PIN4: variants seen among roughly 807,000 people sequenced by gnomAD.
PIN4 encodes peptidylprolyl cis/trans isomerase, NIMA-interacting 4.
A neutral mutation model predicts 8.3 loss-of-function variants in PIN4; 3 were observed. The observed-to-expected ratio is 0.36, with a 90% CI of 0.16 to 0.93. The LOEUF (loss-of-function observed/expected upper bound fraction) is 0.93, where lower values mean the gene tolerates loss of function less well. Among genes scored for constraint, PIN4 ranks in the 40% least tolerant of loss-of-function variants. PIN4 has a pLI of 0.44. For synonymous variants in PIN4, 18 were observed against 32.5 expected (o/e 0.55, Z 1.52); for missense variants, 75 against 100.6 (o/e 0.75, Z 1.09).
At chrX:72,209,215 C>G (rs1039635208) in intron 3 of PIN4, among the ~76,000 whole-genome samples, 1 of 110,886 alleles carries the variant, frequency 9.0e-6, no homozygotes, top group Non-Finnish European at 1.9e-5. Flanking sequence ...GTCCTAGGAC[C>G]TCTTCTCACT....
At position 72,204,938 on chromosome X, in the gene PIN4, C is replaced by A. The variant is rs776454870; in HGVS notation, c.312+8034C>A. On this transcript the variant is annotated intron_variant, in intron 3 of 3. Coordinates refer to the PIN4 transcript ENST00000423432. ...CTTAAGCCTGAATGCTTCATGTTCC[C>A]AAAGAATCCAATTATGGGAACAAAA... 51 of 956,298 alleles carry A rather than the reference C, an allele frequency of 5.3e-5. No homozygotes were observed. In the African/African-American group the frequency reaches 8.1e-4, roughly 15 times the overall value. 78.8% of individuals were successfully genotyped at this position (956,298 alleles called of 1,213,427 possible).
At chrX:72,202,509 A>G (rs2042793826), downstream of PIN4, among the ~76,000 whole-genome samples, 1 of 112,177 alleles carries the variant, frequency 8.9e-6, no homozygotes, top group Non-Finnish European at 1.9e-5. Context: ...GAATTTTCAC[A>G]AACATTTTTG....
chrX:72,248,004 T>C (rs775496012), intron 3 of PIN4, among the ~76,000 whole-genome samples: 210 of 111,204 alleles, frequency 1.9e-3, no homozygotes, highest in Middle Eastern at 9.3e-3. Flanking sequence ...ATGTCTTCCA[T>C]CCTTTGTGAG....
At chrX:72,225,774 G>A (rs2042950246) in intron 3 of PIN4, among the ~76,000 whole-genome samples, 1 of 110,926 alleles carries the variant, frequency 9.0e-6, no homozygotes, top group Non-Finnish European at 1.9e-5. Flanking sequence ...CCCTGCTCTA[G>A]GCCTTCCAAA....
chrX:72,237,654 C>T (rs1020353487), intron 3 of PIN4, among the ~76,000 whole-genome samples: 3 of 105,828 alleles, frequency 2.8e-5, no homozygotes, highest in African/African-American at 1.0e-4. Context: ...GTCCCAGCTA[C>T]TCCGGAAACA....
chrX:72,255,216 G>A lies in PIN4; in HGVS notation c.313-7491G>A, dbSNP rs1392018164. On this transcript the variant is annotated intron_variant, in intron 3 of 3. Transcript: ENST00000423432. The stretch of plus-strand genomic sequence containing the variant: ...GCCCAGGAGGTCGAGGCTGCAGTGA[G>A]CCATGATCACGCCACTGAACTCCAG... 2.8e-5 allele frequency among the ~76,000 whole-genome samples: 3 copies of A among 107,966 alleles called. No homozygotes were observed. The East Asian group carries it at 8.9e-4, about 32-fold the overall frequency. The allele number at this position is 107,966 out of a possible 115,157, so 93.8% of individuals were successfully genotyped here.
intron 3 of PIN4, among the ~76,000 whole-genome samples, chrX:72,212,294 A>T (rs2042860595): frequency 9.0e-6 from 1 of 110,616 alleles, no homozygotes; most frequent in African/African-American, 3.3e-5. Flanking sequence ...TAATAATAAT[A>T]AAATCATCTC....
chrX:72,206,584 C>T (rs763537928), intron 3 of PIN4: 4 of 1,210,957 alleles, frequency 3.3e-6, no homozygotes, highest in Non-Finnish European at 4.5e-6. Flanking sequence ...TAGCCAGGCC[C>T]CCTCATTTCT....
Position 72,216,088 on chromosome X carries a change from T to C in PIN4, c.312+19184T>C, listed in dbSNP as rs1372705528. ...AAATTTCATGTCAACCTGGAGCCCG[T>C]GAATGTGACCAGGACATTGCAGATG... On this transcript the variant is annotated intron_variant, in intron 3 of 3. Coordinates refer to the PIN4 transcript ENST00000423432. Among the ~76,000 whole-genome samples the C allele has an allele frequency of 5.4e-5, 6 of 110,442 alleles. No individual in the cohort carries two copies. In the Admixed American group the frequency reaches 5.8e-4, roughly 11 times the overall value.
chrX:72,259,455 G>A (rs1325558314), intron 3 of PIN4, among the ~76,000 whole-genome samples: 3 of 110,094 alleles, frequency 2.7e-5, no homozygotes, highest in Non-Finnish European at 5.7e-5. Flanking sequence ...CCTCATCTCA[G>A]GTGATCCACC....
Position 72,206,324 on chromosome X carries a change from G to A in PIN4, c.312+9420G>A, listed in dbSNP as rs1212794517. The A allele has an allele frequency of 9.9e-6, 12 of 1,207,539 alleles. No homozygotes were observed. The highest frequency in any genetic ancestry group is 1.3e-5 in the Non-Finnish European group (12 of 893,966). ...TCTTCTACACTTCCAAACCCCTTTG[G>A]TAAAGTAGCTATAGAGTCAGCACTA... On this transcript the variant is annotated intron_variant, in intron 3 of 3. Coordinates refer to the PIN4 transcript ENST00000423432.
intron 3 of PIN4, among the ~76,000 whole-genome samples, chrX:72,261,635 G>A (rs2043140442): frequency 8.9e-6 from 1 of 112,303 alleles, no homozygotes; most frequent in African/African-American, 3.2e-5. Context: ...GCTCAACTTG[G>A]TGCCCTGCAC....
chrX:72,260,624 G>A (rs1438949517), intron 3 of PIN4, among the ~76,000 whole-genome samples: 3 of 111,920 alleles, frequency 2.7e-5, no homozygotes, highest in Non-Finnish European at 5.6e-5. Context: ...TGTCTCCCAC[G>A]TATGTACCTC....
intron 3 of PIN4, among the ~76,000 whole-genome samples, chrX:72,221,892 G>C (rs189287595): frequency 2.1e-4 from 23 of 109,265 alleles, no homozygotes; most frequent in African/African-American, 7.4e-4. Flanking sequence ...ATCCCTTCCC[G>C]CGAAAACCCT....
At position 72,240,088 on chromosome X, in the gene PIN4, C is replaced by CAA. The variant is rs750258594; in HGVS notation, c.313-22604_313-22603dup. Among the ~76,000 whole-genome samples the CAA allele has an allele frequency of 7.3e-3, 354 of 48,177 alleles. 4 individuals are homozygous for CAA. The highest frequency in any genetic ancestry group is 0.025 in the African/African-American group (338 of 13,425). The allele number at this position is 48,177 out of a possible 115,157, so 41.8% of individuals were successfully genotyped here. A position where few individuals can be genotyped will look rare whatever the true frequency, so the allele number is the denominator to read the frequency against. On this transcript the variant is annotated intron_variant, in intron 3 of 3. Transcript: ENST00000423432. Reference sequence around the variant, plus strand: ...TGGGTGACAGAGAAAGACTCCATCTCAAAAAAAAAAAAAAAATTAAAGTTC... The same window carrying CAA: ...TGGGTGACAGAGAAAGACTCCATCTCAAAAAAAAAAAAAAAAAATTAAAGTTC...
chrX:72,245,069 C>CAAAAAAAA (rs35952560), intron 3 of PIN4, among the ~76,000 whole-genome samples: 1 of 19,743 alleles, frequency 5.1e-5, no homozygotes, highest in African/African-American at 2.0e-4. Context: ...GAGATCCTGT[C>CAAAAAAAA]AAAAAAAAAA....
chrX:72,185,311 A>G (rs144123614), intron 1 of PIN4, among the ~76,000 whole-genome samples: 113 of 110,352 alleles, frequency 1.0e-3, no homozygotes, highest in Non-Finnish European at 1.6e-3. Context: ...GGCTTCATCC[A>G]TACAATTTCT....
At chrX:72,205,682 C>A in intron 3 of PIN4, 2 of 1,212,012 alleles carry the variant, frequency 1.7e-6, no homozygotes, top group Non-Finnish European at 2.2e-6. Flanking sequence ...TCTTCGCCAT[C>A]TGAAACAATC....
At chrX:72,183,426 G>T (rs938672521) in intron 1 of PIN4, among the ~76,000 whole-genome samples, 4 of 111,994 alleles carry the variant, frequency 3.6e-5, no homozygotes, top group Non-Finnish European at 5.6e-5. Context: ...GAAAAGAGCA[G>T]AGAGCAGAGG....
Sources: allele counts gnomAD v4.1 joint callset (sites outside exome capture counted in the v4.1 genomes callset), GRCh38; gene constraint gnomAD v4.1.1; transcripts MANE v1.5; gene names NCBI Gene and HGNC (gene_info 2026-07-23, HGNC 2026-07-21).